The following GALNT9 variants were observed in gnomAD, a reference collection of about 807,000 sequenced individuals.
GALNT9 encodes the protein GalNAc transferase 9.
GALNT9 carries 47 observed loss-of-function variants against 63.1 expected under a neutral mutation model. The observed-to-expected ratio is 0.75, with a 90% confidence interval of 0.59 to 0.95. The LOEUF is 0.95. GALNT9 is among the 40% of genes least tolerant of loss of function. The probability of loss-of-function intolerance (pLI) is 0.00; values close to 1 mark genes in which losing one functional copy is unlikely to be tolerated. For missense variants in GALNT9, 829 were observed against 874.8 expected, an observed-to-expected ratio of 0.95 and a Z score of 0.66; for synonymous variants, 396 against 365.7, an observed-to-expected ratio of 1.08 and a Z score of -0.94.
chr12:132,326,748 C>G (rs1869053983), intron 1 of GALNT9, among the ~76,000 whole-genome samples: 1 of 152,232 alleles, frequency 6.6e-6, no homozygotes, highest in African/African-American at 2.4e-5. Flanking sequence ...ATCAATTTTG[C>G]ATCCTGGGAT....
chr12:132,281,795 G>T (rs955328022), intron 2 of GALNT9, among the ~76,000 whole-genome samples: 2 of 152,216 alleles, frequency 1.3e-5, no homozygotes, highest in African/African-American at 4.8e-5. Flanking sequence ...CCAGGCCTGG[G>T]GGTCCCCGAT....
chr12:132,210,738 T>A (rs1876919059), intron 6 of GALNT9, among the ~76,000 whole-genome samples: 1 of 151,856 alleles, frequency 6.6e-6, no homozygotes, highest in Non-Finnish European at 1.5e-5. Flanking sequence ...AAGCTCCAAC[T>A]TGCCAAAAGC....
intron 1 of GALNT9, among the ~76,000 whole-genome samples, chr12:132,304,497 T>TCGCCCGGGCACACCC (rs1555244324): frequency 1.5e-5 from 1 of 65,108 alleles, no homozygotes; most frequent in Non-Finnish European, 2.6e-5. Flanking sequence ...AGACACACCC[T>TCGCCCGGGCACACCC]TGCCCGGGCA....
chr12:132,218,516 A>G (rs914259590), intron 6 of GALNT9, among the ~76,000 whole-genome samples: 8 of 152,190 alleles, frequency 5.3e-5, no homozygotes, highest in Non-Finnish European at 1.0e-4. Flanking sequence ...AAAGATTTAC[A>G]ATCTGCTTAG....
rs1771265176 is a variant in GALNT9 at position 132,197,212 on chromosome 12, C to T, written c.1707G>A (p.Glu569=). 3.1e-6 allele frequency: 5 copies of T among 1,613,874 alleles called. No homozygotes were observed. The highest frequency in any genetic ancestry group is 4.2e-6 in the Non-Finnish European group (5 of 1,180,014). ...IVSRATGRCL[E]VEMSKDANFG... is the part of the protein sequence containing the mutation. ...AGTTGGCATCTTTGGACATCTCCAC[C>T]TCCAGGCAGCGGCCCGTGGCCCGGC... Residue 569 remains glutamate (E), a synonymous_variant, in exon 11 of 11, where the codon GAG becomes GAA. Coordinates refer to ENST00000328957, the MANE Select transcript of GALNT9 (RefSeq NM_001122636.2).
intron 1 of GALNT9, among the ~76,000 whole-genome samples, chr12:132,299,693 A>G (rs530431912): frequency 2.1e-5 from 3 of 142,100 alleles, no homozygotes; most frequent in Non-Finnish European, 3.1e-5. Flanking sequence ...CCCATCCCTG[A>G]GATGACCAAG....
intron 6 of GALNT9, among the ~76,000 whole-genome samples, chr12:132,235,286 G>A (rs1419183947): frequency 6.6e-6 from 1 of 152,030 alleles, no homozygotes; most frequent in Non-Finnish European, 1.5e-5. Context: ...GAGGAGCCGG[G>A]TGCGGTGGGC....
intron 6 of GALNT9, among the ~76,000 whole-genome samples, chr12:132,204,890 A>C (rs1386676014): frequency 6.6e-6 from 1 of 152,000 alleles, no homozygotes; most frequent in African/African-American, 2.4e-5. Context: ...GCCATGCTGG[A>C]CGAGTGTGCC....
intron 6 of GALNT9, chr12:132,240,512 T>A (rs1192951331): frequency 2.3e-6 from 1 of 426,392 alleles, no homozygotes; most frequent in Non-Finnish European, 4.6e-6. Flanking sequence ...CTCACTCCAG[T>A]CGCTGGCAGT....
rs141187856 is a variant in GALNT9 at position 132,253,895 on chromosome 12, C to T, written c.959+3794G>A. 1.5e-3 allele frequency among the ~76,000 whole-genome samples: 223 copies of T among 152,336 alleles called. 1 individual carries two copies. Among genetic ancestry groups the T allele is most frequent in the Middle Eastern group, 6.8e-3 (2 of 294 alleles). On this transcript the variant is annotated intron_variant, in intron 5 of 10. Transcript: ENST00000328957. ...AGAAGCCTGGGTGGCAGCTGCTCCC[C>T]TCTGCCCTGATATGCAAATGAGGAA...
Position 132,201,290 on chromosome 12 carries a change from A to ACGTGGGTGT in GALNT9, c.1264-30_1264-29insACACCCACG, listed in dbSNP as rs778749445. ...CAAGGCCAGAAGTAGGTGAGAGGGT[A>ACGTGGGTGT]CATGGGTGTCACCATGACCTGGGTC... is the stretch of plus-strand genomic sequence containing the variant. On this transcript the variant is annotated intron_variant, in intron 7 of 10. Coordinates refer to ENST00000328957, the MANE Select transcript of GALNT9 (RefSeq NM_001122636.2). 28 of 1,563,802 alleles carry ACGTGGGTGT rather than the reference A, an allele frequency of 1.8e-5. 1 individual carries two copies. The South Asian group carries it at 2.8e-4, about 16-fold the overall frequency.
intron 2 of GALNT9, among the ~76,000 whole-genome samples, chr12:132,269,783 C>T (rs1346256793): frequency 6.6e-6 from 1 of 152,242 alleles, no homozygotes; most frequent in African/African-American, 2.4e-5. Context: ...TGCTGGGACC[C>T]TGTCCTGGCC....
intron 5 of GALNT9, among the ~76,000 whole-genome samples, chr12:132,257,467 C>T (rs1437063585): frequency 6.7e-6 from 1 of 149,082 alleles, no homozygotes; most frequent in Non-Finnish European, 1.5e-5. Flanking sequence ...CGGCCCTCGT[C>T]CCCACGCCCT....
At chr12:132,300,810 C>T (rs1311598107) in intron 1 of GALNT9, among the ~76,000 whole-genome samples, 1 of 152,132 alleles carries the variant, frequency 6.6e-6, no homozygotes, top group African/African-American at 2.4e-5. Flanking sequence ...CCACCCCCAC[C>T]ACACCTAACC....
At chr12:132,270,670 G>T (rs370915875) in intron 2 of GALNT9, among the ~76,000 whole-genome samples, 1 of 152,158 alleles carries the variant, frequency 6.6e-6, no homozygotes, top group Non-Finnish European at 1.5e-5. Flanking sequence ...GCCAGAGCCC[G>T]ACCACACAGC....
chr12:132,229,447 C>T (rs944237143), intron 6 of GALNT9, among the ~76,000 whole-genome samples: 1 of 152,392 alleles, frequency 6.6e-6, no homozygotes, highest in African/African-American at 2.4e-5. Flanking sequence ...TGCCCTGGCA[C>T]GAGCACTTTA....
At chr12:132,219,314 C>A (rs577058354) in intron 6 of GALNT9, among the ~76,000 whole-genome samples, 1 of 152,176 alleles carries the variant, frequency 6.6e-6, no homozygotes, top group African/African-American at 2.4e-5. Flanking sequence ...CCTCCCCTGC[C>A]GTTTCAGACA....
intron 9 of GALNT9, among the ~76,000 whole-genome samples, chr12:132,198,266 C>T (rs568061032): frequency 1.7e-4 from 26 of 152,328 alleles, no homozygotes; most frequent in African/African-American, 4.6e-4. Flanking sequence ...CCACTCGTTT[C>T]GGGGAGGACA....
chr12:132,257,472 C>T (rs191052588), intron 5 of GALNT9, among the ~76,000 whole-genome samples: 1 of 145,120 alleles, frequency 6.9e-6, no homozygotes, highest in Admixed American at 6.8e-5. Flanking sequence ...CTCGTCCCCA[C>T]GCCCTCGTCC....
Sources: gnomAD v4.1 joint callset for allele counts (sites outside exome capture counted in the v4.1 genomes callset) on GRCh38, gnomAD v4.1.1 for gene constraint, MANE v1.5 for transcripts, NCBI Gene and HGNC (gene_info 2026-07-23, HGNC 2026-07-21) for gene names.